The following TBCA variants were observed in gnomAD, a reference collection of about 807,000 sequenced individuals.
The protein encoded by TBCA is tubulin-specific chaperone A.
A neutral mutation model predicts 15.8 loss-of-function variants in TBCA; 6 were observed. The observed-to-expected ratio is 0.38, with a 90% confidence interval of 0.21 to 0.75. TBCA has a LOEUF of 0.75. Among genes scored for constraint, TBCA ranks in the 30% least tolerant of loss-of-function variants. TBCA has a pLI of 0.46. For missense variants in TBCA, 90 were observed against 131.2 expected, an observed-to-expected ratio of 0.69 and a Z score of 1.53; for synonymous variants, 32 against 42.3, an observed-to-expected ratio of 0.76 and a Z score of 0.94.
chr5:77,757,277 T>C (rs541887062), intron 1 of TBCA, among the ~76,000 whole-genome samples: 1 of 152,196 alleles, frequency 6.6e-6, no homozygotes, highest in South Asian at 2.1e-4. Flanking sequence ...ATCTTAACTT[T>C]AGCCCAGAAA....
chr5:77,763,889 A>G (rs1580137193), intron 1 of TBCA, among the ~76,000 whole-genome samples: 1 of 152,234 alleles, frequency 6.6e-6, no homozygotes, highest in African/African-American at 2.4e-5. Flanking sequence ...TCCTGGGTAT[A>G]TACCCAAGAA....
chr5:77,731,718 C>T (rs1175601455), intron 1 of TBCA, among the ~76,000 whole-genome samples: 1 of 152,000 alleles, frequency 6.6e-6, no homozygotes, highest in Non-Finnish European at 1.5e-5. Context: ...CCCATTTTTG[C>T]TATTTCCCTA....
At chr5:77,700,868 C>T (rs149521776) in intron 2 of TBCA, among the ~76,000 whole-genome samples, 21 of 152,190 alleles carry the variant, frequency 1.4e-4, no homozygotes, top group African/African-American at 4.6e-4. Context: ...TGGCATGCCA[C>T]ATGTAGGAAA....
At chr5:77,746,132 G>A (rs1747180476) in intron 1 of TBCA, among the ~76,000 whole-genome samples, 1 of 152,046 alleles carries the variant, frequency 6.6e-6, no homozygotes, top group South Asian at 2.1e-4. Context: ...TTCAAAACCT[G>A]TTGCACTGTT....
At chr5:77,748,632 T>A (rs1437117838) in intron 1 of TBCA, among the ~76,000 whole-genome samples, 1 of 152,134 alleles carries the variant, frequency 6.6e-6, no homozygotes, top group Non-Finnish European at 1.5e-5. Context: ...CTAAACATAC[T>A]TGGGCATTGC....
chr5:77,713,510 G>A (rs1746330209), intron 1 of TBCA, among the ~76,000 whole-genome samples: 1 of 151,902 alleles, frequency 6.6e-6, no homozygotes, highest in Non-Finnish European at 1.5e-5. Flanking sequence ...AAATTTTATA[G>A]ACATGAAATA....
chr5:77,728,281 AAAAT>A (rs1580112623), intron 1 of TBCA, among the ~76,000 whole-genome samples: 1 of 152,158 alleles, frequency 6.6e-6, no homozygotes, highest in African/African-American at 2.4e-5. Flanking sequence ...CAGAAGAGCT[AAAAT>A]AGAGGTCAAA....
intron 1 of TBCA, among the ~76,000 whole-genome samples, chr5:77,728,686 T>G (rs558307435): frequency 6.6e-6 from 1 of 152,182 alleles, no homozygotes; most frequent in Non-Finnish European, 1.5e-5. Flanking sequence ...ATTTTTTATT[T>G]ATTTATTTTT....
At chr5:77,708,112 T>C (rs1301368824) in intron 2 of TBCA, 130 bp downstream of exon 2, 6 of 620,958 alleles carry the variant, frequency 9.7e-6, no homozygotes, top group Non-Finnish European at 1.6e-5. Context: ...TCCTTATCTT[T>C]AAATGGAAGT....
chr5:77,737,649 G>C (rs567337215), intron 1 of TBCA, among the ~76,000 whole-genome samples: 3 of 152,234 alleles, frequency 2.0e-5, no homozygotes, highest in African/African-American at 7.2e-5. Flanking sequence ...CTCAAAAAAT[G>C]GAAAGGAAGA....
At chr5:77,751,891 G>C (rs559470058) in intron 1 of TBCA, among the ~76,000 whole-genome samples, 1 of 152,252 alleles carries the variant, frequency 6.6e-6, no homozygotes, top group East Asian at 1.9e-4. Flanking sequence ...TTAAATCATA[G>C]GGAGTCAAAG....
intron 1 of TBCA, among the ~76,000 whole-genome samples, chr5:77,743,097 T>C (rs1468233615): frequency 6.6e-6 from 1 of 152,196 alleles, no homozygotes; most frequent in Non-Finnish European, 1.5e-5. Context: ...AATCAGAAAT[T>C]CTTAAAGATT....
chr5:77,712,985 T>C (rs1347091505), intron 1 of TBCA, among the ~76,000 whole-genome samples: 1 of 152,156 alleles, frequency 6.6e-6, no homozygotes, highest in East Asian at 1.9e-4. Flanking sequence ...TGAAAATTTA[T>C]ATTTAGATAT....
At chr5:77,740,678 G>A (rs1747010926) in intron 1 of TBCA, among the ~76,000 whole-genome samples, 1 of 152,212 alleles carries the variant, frequency 6.6e-6, no homozygotes, top group Non-Finnish European at 1.5e-5. Flanking sequence ...CACAGTTCAA[G>A]AGAGAGGTCT....
rs562100524 is a variant in TBCA at position 77,776,252 on chromosome 5, G to T, written c.6C>A (p.Ala2=). The T allele has an allele frequency of 8.2e-6, 13 of 1,580,014 alleles. No homozygotes were observed. The highest frequency in any genetic ancestry group is 6.7e-5 in the African/African-American group (5 of 74,214). Residue 2 remains alanine (A), a synonymous_variant, in exon 1 of 4, where the codon GCC becomes GCA. Coordinates refer to ENST00000380377, the MANE Select transcript of TBCA (RefSeq NM_004607.3). M[A]DPRVRQIKIK... is the part of the protein sequence containing the mutation. ...TCTTGATCTGTCTCACGCGAGGATC[G>T]GCCATGGTCCCTCGAGCGCCGCGAG...
At chr5:77,752,599 C>T (rs149827855) in intron 1 of TBCA, among the ~76,000 whole-genome samples, 13,421 of 56,684 alleles carry the variant, frequency 0.24, 4,119 homozygotes, top group African/African-American at 0.39. Flanking sequence ...TCGCCCAGGC[C>T]GGACTGCGGA....
chr5:77,752,340 T>G (rs938205938), intron 1 of TBCA, among the ~76,000 whole-genome samples: 66 of 152,158 alleles, frequency 4.3e-4, no homozygotes, highest in Non-Finnish European at 7.2e-4. Flanking sequence ...TTTATCCATT[T>G]AGGTTTATCT....
intron 1 of TBCA, among the ~76,000 whole-genome samples, chr5:77,759,974 A>G (rs1747569919): frequency 6.6e-6 from 1 of 152,236 alleles, no homozygotes; most frequent in Admixed American, 6.5e-5. Flanking sequence ...AAACTAGAAC[A>G]GAAGCAATGT....
At chr5:77,760,811 T>C (rs1173126331) in intron 1 of TBCA, among the ~76,000 whole-genome samples, 4 of 152,192 alleles carry the variant, frequency 2.6e-5, no homozygotes, top group Non-Finnish European at 4.4e-5. Flanking sequence ...CCTCCCAAAG[T>C]GCTAAGATTA....
Sources: allele counts gnomAD v4.1 joint callset (sites outside exome capture counted in the v4.1 genomes callset), GRCh38; gene constraint gnomAD v4.1.1; transcripts MANE v1.5; gene names NCBI Gene and HGNC (gene_info 2026-07-23, HGNC 2026-07-21).